Variants in RAB11FIP2 observed in about 807,000 individuals in gnomAD.
The protein encoded by RAB11FIP2 is rab11 family-interacting protein 2.
A neutral mutation model predicts 40.9 loss-of-function variants in RAB11FIP2; 16 were observed. The observed-to-expected ratio is 0.39, with a 90% confidence interval of 0.26 to 0.59. The LOEUF (loss-of-function observed/expected upper bound fraction) is 0.59. Ranked by LOEUF, RAB11FIP2 falls within the 20% of genes least tolerant of loss-of-function variation. RAB11FIP2 has a pLI of 0.53. For missense variants in RAB11FIP2, 532 were observed against 606.2 expected (o/e 0.88, Z 1.28); for synonymous variants, 228 against 213.7 (o/e 1.07, Z -0.58).
At chr10:118,014,598 T>C (rs1846194477) in intron 4 of RAB11FIP2, among the ~76,000 whole-genome samples, 1 of 152,180 alleles carries the variant, frequency 6.6e-6, no homozygotes. Flanking sequence ...TCCTAAAGTA[T>C]TTGTTCTTTC....
chr10:118,020,978 A>AT (rs1224159855), intron 3 of RAB11FIP2, among the ~76,000 whole-genome samples: 1 of 152,154 alleles, frequency 6.6e-6, no homozygotes. Context: ...CGTATGCTCC[A>AT]TAACTACTTA....
intron 4 of RAB11FIP2, among the ~76,000 whole-genome samples, chr10:118,012,498 T>G (rs184013114): frequency 1.3e-5 from 2 of 151,408 alleles, no homozygotes; most frequent in Non-Finnish European, 3.0e-5. Flanking sequence ...ATTTTAGGCA[T>G]GAGATTCTTA....
chr10:118,010,098 A>G (rs1227219986), intron 4 of RAB11FIP2, among the ~76,000 whole-genome samples: 1 of 152,154 alleles, frequency 6.6e-6, no homozygotes, highest in Non-Finnish European at 1.5e-5. Flanking sequence ...ATGTTATATC[A>G]AAAGTGAAAG....
rs1243336413 is a variant in RAB11FIP2 at position 118,040,567 on chromosome 10, T to A, written c.354-2A>T. ...TGTTTGGATTCTAATCTAAACCACC[T>A]TAAAGAGAAGAAAAAAAAATTGGCT... On this transcript the variant is annotated splice_acceptor_variant, in intron 1 of 4. Coordinates refer to ENST00000355624, the MANE Select transcript of RAB11FIP2 (RefSeq NM_014904.3). LOFTEE classifies it high-confidence loss of function. 3.2e-6 allele frequency: 5 copies of A among 1,574,156 alleles called. No homozygotes were observed.
intron 4 of RAB11FIP2, among the ~76,000 whole-genome samples, chr10:118,010,450 C>T (rs760903811): frequency 1.1e-4 from 16 of 152,198 alleles, no homozygotes; most frequent in Non-Finnish European, 2.2e-4. Context: ...AAGAATTAAA[C>T]TGTCCTTCCC....
Position 118,007,138 on chromosome 10 carries a change from TTTAG to T in RAB11FIP2, c.*1856_*1859del, listed in dbSNP as rs1846099171. ...AACAAATGCTGAGAATTTTGTAACA[TTTAG>T]TTAATTAAAAGTGGCACCATGTTTA... On this transcript the variant is annotated 3_prime_UTR_variant, in exon 5 of 5. Transcript: ENST00000355624. The T allele has an allele frequency of 6.6e-6, 1 of 151,360 alleles. No homozygotes were observed. The highest frequency in any genetic ancestry group is 2.4e-5 in the African/African-American group (1 of 41,146). 9.4% of individuals were successfully genotyped at this position (151,360 alleles called of 1,614,324 possible).
chr10:118,035,649 C>T (rs1393656409), intron 3 of RAB11FIP2, among the ~76,000 whole-genome samples: 2 of 152,080 alleles, frequency 1.3e-5, no homozygotes, highest in Admixed American at 6.6e-5. Flanking sequence ...CCAAGCATCA[C>T]GCTGGAGACT....
At chr10:118,031,047 T>A (rs970498002) in intron 3 of RAB11FIP2, among the ~76,000 whole-genome samples, 3 of 152,128 alleles carry the variant, frequency 2.0e-5, no homozygotes, top group African/African-American at 7.2e-5. Context: ...CTAAAAATCA[T>A]CTCAAAAGTT....
rs1339809542 is a variant in RAB11FIP2 at position 118,026,574 on chromosome 10, G to A, written c.1266-11464C>T. Among the ~76,000 whole-genome samples, 4 of 152,150 alleles carry A rather than the reference G, an allele frequency of 2.6e-5. No homozygotes were observed. The East Asian group carries it at 7.7e-4, about 29-fold the overall frequency. On this transcript the variant is annotated intron_variant, in intron 3 of 4. Coordinates refer to ENST00000355624, the MANE Select transcript of RAB11FIP2 (RefSeq NM_014904.3). ...CCAAAGGGGACTGAAATGTTCTGAGGAGTTTTCAATAAGCAGCCTTTATCT... is the reference window on the plus strand; with the variant it reads ...CCAAAGGGGACTGAAATGTTCTGAGAAGTTTTCAATAAGCAGCCTTTATCT...
intron 1 of RAB11FIP2, among the ~76,000 whole-genome samples, chr10:118,044,294 G>A (rs937295799): frequency 1.3e-5 from 2 of 152,124 alleles, no homozygotes; most frequent in African/African-American, 4.8e-5. Flanking sequence ...GAATATTAAA[G>A]TACTATAAAT....
chr10:118,030,857 C>T (rs1368925580), intron 3 of RAB11FIP2, among the ~76,000 whole-genome samples: 1 of 152,044 alleles, frequency 6.6e-6, no homozygotes, highest in African/African-American at 2.4e-5. Context: ...TTAATGAGAG[C>T]TATTATAATG....
At position 118,008,908 on chromosome 10, in the gene RAB11FIP2, G is replaced by T; in HGVS notation, c.*90C>A. The T allele has an allele frequency of 9.8e-7, 1 of 1,021,894 alleles. No individual in the cohort carries two copies. Among genetic ancestry groups the T allele is most frequent in the African/African-American group, 1.6e-5 (1 of 62,956 alleles). The allele number at this position is 1,021,894 out of a possible 1,614,324, so 63.3% of individuals were successfully genotyped here. Reference sequence around the variant, plus strand: ...GGAGAATATGTAATGAAACCTGATAGTGTAGTCTCTTTCAGTAACAAGTTT... The same window carrying T: ...GGAGAATATGTAATGAAACCTGATATTGTAGTCTCTTTCAGTAACAAGTTT... On this transcript the variant is annotated 3_prime_UTR_variant, in exon 5 of 5. Coordinates refer to ENST00000355624, the MANE Select transcript of RAB11FIP2 (RefSeq NM_014904.3).
chr10:118,030,495 G>A (rs898679990), intron 3 of RAB11FIP2, among the ~76,000 whole-genome samples: 1 of 152,046 alleles, frequency 6.6e-6, no homozygotes, highest in African/African-American at 2.4e-5. Flanking sequence ...CTGTCTCAGA[G>A]GACCTTGTTA....
At position 118,021,518 on chromosome 10, in the gene RAB11FIP2, T is replaced by C. The variant is rs139321105; in HGVS notation, c.1266-6408A>G. ...GGACTCGTCGACAGTCCATTATCTC[T>C]TGGACATTCTACCATTTTTATTTTG... is the stretch of plus-strand genomic sequence containing the variant. On this transcript the variant is annotated intron_variant, in intron 3 of 4. Coordinates refer to ENST00000355624, the MANE Select transcript of RAB11FIP2 (RefSeq NM_014904.3). Among the ~76,000 whole-genome samples the C allele has an allele frequency of 2.6e-5, 4 of 152,346 alleles. No individual in the cohort carries two copies. In the East Asian group the frequency reaches 7.7e-4, roughly 29 times the overall value.
intron 4 of RAB11FIP2, among the ~76,000 whole-genome samples, chr10:118,009,710 T>C (rs941123091): frequency 1.3e-5 from 2 of 152,140 alleles, no homozygotes; most frequent in Non-Finnish European, 2.9e-5. Context: ...AAAAATCTTT[T>C]CTAATTTGCT....
At chr10:118,028,147 T>C (rs1329316534) in intron 3 of RAB11FIP2, among the ~76,000 whole-genome samples, 1 of 152,164 alleles carries the variant, frequency 6.6e-6, no homozygotes, top group African/African-American at 2.4e-5. Flanking sequence ...TGAAACAGTT[T>C]TTTCTTAATA....
chr10:118,026,410 G>C (rs1205704749), intron 3 of RAB11FIP2, among the ~76,000 whole-genome samples: 1 of 152,144 alleles, frequency 6.6e-6, no homozygotes, highest in Non-Finnish European at 1.5e-5. Flanking sequence ...GAGACTACTA[G>C]AGTAGAATTT....
intron 1 of RAB11FIP2, among the ~76,000 whole-genome samples, chr10:118,041,231 A>G (rs1174263082): frequency 1.3e-5 from 2 of 151,946 alleles, no homozygotes; most frequent in Non-Finnish European, 2.9e-5. Flanking sequence ...CAAAAAATAA[A>G]TCTTGTGAAG....
intron 4 of RAB11FIP2, among the ~76,000 whole-genome samples, chr10:118,013,323 T>A (rs545865180): frequency 2.6e-5 from 4 of 152,186 alleles, no homozygotes; most frequent in African/African-American, 7.2e-5. Context: ...ACATCTTTTG[T>A]CCTACTCCCT....
Sources: allele counts gnomAD v4.1 joint callset (sites outside exome capture counted in the v4.1 genomes callset), GRCh38; gene constraint gnomAD v4.1.1; transcripts MANE v1.5; gene names NCBI Gene and HGNC (gene_info 2026-07-23, HGNC 2026-07-21).